EXOC3: variants seen among roughly 807,000 people sequenced by gnomAD.
EXOC3 encodes exocyst complex component 3, also known as SEC6-like 1.
EXOC3 carries 21 observed loss-of-function variants against 73.7 expected under a neutral mutation model. The ratio of observed to expected loss-of-function variants is 0.29; its 90% CI spans 0.20 to 0.41. The LOEUF is 0.41. Among genes scored for constraint, EXOC3 ranks in the 10% least tolerant of loss-of-function variants. The pLI, the probability that EXOC3 is intolerant of heterozygous loss-of-function variation, is 1.00. For synonymous variants in EXOC3, 410 were observed against 389.1 expected (o/e 1.05, Z -0.63); for missense variants, 842 against 985.1 (o/e 0.85, Z 1.95).
At chr5:458,770 C>T (rs1737896738) in intron 6 of EXOC3, among the ~76,000 whole-genome samples, 1 of 152,212 alleles carries the variant, frequency 6.6e-6, no homozygotes, top group African/African-American at 2.4e-5. Flanking sequence ...TTAGAATCCT[C>T]ACTCAGGACT....
At chr5:464,941 C>G (rs922971401) in intron 10 of EXOC3, 170 bp from the exon 11 acceptor site, 4 of 703,112 alleles carry the variant, frequency 5.7e-6, no homozygotes, top group Non-Finnish European at 9.2e-6. Flanking sequence ...TGTTCCCCCA[C>G]TGAGCCCCCG....
At chr5:443,473 C>T (rs1408121662) in intron 1 of EXOC3, among the ~76,000 whole-genome samples, 183 bp downstream of exon 1, 3 of 152,184 alleles carry the variant, frequency 2.0e-5, no homozygotes, top group African/African-American at 7.2e-5. Flanking sequence ...GTGTCCTCGG[C>T]GCAGGTGTCC....
intron 3 of EXOC3, among the ~76,000 whole-genome samples, chr5:449,387 A>G (rs1464921084): frequency 1.3e-5 from 2 of 152,194 alleles, no homozygotes; most frequent in African/African-American, 4.8e-5. Flanking sequence ...CCATTGCCAC[A>G]TCCGTCTTCA....
chr5:464,708 T>C (rs3815929), intron 10 of EXOC3: 342,550 of 398,400 alleles, frequency 0.86, 148,795 homozygotes, highest in African/African-American at 0.91. Flanking sequence ...GCCCCAGGGA[T>C]TTCTTTCCGC....
intron 9 of EXOC3, 125 bp downstream of exon 9, chr5:462,432 T>A: frequency 2.8e-6 from 3 of 1,085,398 alleles, no homozygotes; most frequent in Non-Finnish European, 4.1e-6. Flanking sequence ...GCTGTGCACT[T>A]GCATTCCGGT....
intron 4 of EXOC3, among the ~76,000 whole-genome samples, chr5:454,452 C>T (rs942281810): frequency 2.6e-5 from 4 of 152,226 alleles, no homozygotes; most frequent in African/African-American, 9.6e-5. Context: ...CACATGGCCA[C>T]CCCACTGGGG....
At chr5:443,438 C>G (rs1560933273) in intron 1 of EXOC3, 148 bp downstream of exon 1, 1 of 152,668 alleles carries the variant, frequency 6.6e-6, no homozygotes, top group Non-Finnish European at 1.5e-5. Flanking sequence ...CGTTCCGGAC[C>G]CCGTGGAGTA....
chr5:452,697 G>T (rs1737691175), intron 3 of EXOC3, among the ~76,000 whole-genome samples: 1 of 152,210 alleles, frequency 6.6e-6, no homozygotes, highest in Admixed American at 6.5e-5. Flanking sequence ...TAGGCTCTCT[G>T]TGCCAAGGCA....
At chr5:453,347 T>A in intron 3 of EXOC3, 23 bp from the exon 4 acceptor site, 1 of 1,538,804 alleles carries the variant, frequency 6.5e-7, no homozygotes, top group Admixed American at 2.0e-5. Flanking sequence ...TTGTTTATGT[T>A]GTGTCTTGTG....
At chr5:444,460 C>T (rs1184665266) in intron 1 of EXOC3, among the ~76,000 whole-genome samples, 1 of 152,252 alleles carries the variant, frequency 6.6e-6, no homozygotes. Context: ...TCACCGCGTG[C>T]CCCAGCAGAG....
intron 10 of EXOC3, chr5:464,878 T>G: frequency 1.7e-6 from 1 of 575,062 alleles, no homozygotes; most frequent in Non-Finnish European, 3.1e-6. Flanking sequence ...CGCCCGCGTC[T>G]GTCCTGCTGG....
At chr5:444,245 C>G (rs1028981607) in intron 1 of EXOC3, among the ~76,000 whole-genome samples, 1 of 152,258 alleles carries the variant, frequency 6.6e-6, no homozygotes, top group Non-Finnish European at 1.5e-5. Flanking sequence ...TCTTTGGCTT[C>G]TGTGACCCAA....
chr5:466,046 G>GC, intron 12 of EXOC3: 1 of 490,106 alleles, frequency 2.0e-6, no homozygotes, highest in Non-Finnish European at 3.6e-6. Flanking sequence ...CTGGGCTACA[G>GC]TGTGGGTGGG....
In EXOC3 at chr5:447,589, C is replaced by A; in HGVS notation, c.201C>A (p.Asn67Lys). 6.3e-7 allele frequency: 1 copy of A among 1,591,280 alleles called. No homozygotes were observed. Among genetic ancestry groups the A allele is most frequent in the South Asian group, 1.1e-5 (1 of 87,378 alleles). ...GVRTGLSQLH[N>K]ALNDVKDIQQ... is the part of the protein sequence containing the mutation. The stretch of plus-strand genomic sequence containing the variant: ...GCACAGGCCTCAGCCAGCTCCACAA[C>A]GCCCTGAATGACGTCAAAGACATCC... Residue 67 changes from asparagine to lysine, a missense_variant, in exon 3 of 13, where the codon AAC (asparagine) becomes AAA (lysine). Transcript: ENST00000512944.
chr5:466,299 C>T (rs974205384), intron 12 of EXOC3: 10 of 241,544 alleles, frequency 4.1e-5, no homozygotes, highest in Admixed American at 2.0e-4. Context: ...GACCCACGCA[C>T]GTCCCCCCTC....
intron 1 of EXOC3, among the ~76,000 whole-genome samples, chr5:444,411 GACA>G (rs1737441781): frequency 2.0e-5 from 3 of 152,214 alleles, no homozygotes; most frequent in Admixed American, 6.5e-5. Flanking sequence ...CCCACAGCGT[GACA>G]GACTTCACTC....
At chr5:457,840 A>G (rs2251843) in intron 5 of EXOC3, 60 bp from the exon 6 acceptor site, 777,830 of 1,549,036 alleles carry the variant, frequency 0.5, 199,479 homozygotes, top group African/African-American at 0.77. Context: ...GGTAATTGGC[A>G]TGACCCTCAG....
rs1453655643 is a variant in EXOC3 at position 465,149 on chromosome 5, G to C, written c.1815G>C (p.Glu605Asp). Residue 605 changes from glutamate to aspartate, a missense_variant, in exon 11 of 13, where the codon GAG (glutamate) becomes GAC (aspartate). By Grantham distance (45) the Glu-to-Asp change is conservative. Coordinates refer to ENST00000512944, the MANE Select transcript of EXOC3 (RefSeq NM_007277.5). ...AGGCGCACCGGCGCGTGGTGGTGGA[G>C]TACCTGCGGGCGGTCATGCAGAAGC... The part of the protein sequence containing the change: ...TAEAHRRVVV[E>D]YLRAVMQKRI... The C allele has an allele frequency of 2.5e-6, 4 of 1,595,222 alleles. No individual in the cohort carries two copies. Among genetic ancestry groups the C allele is most frequent in the Non-Finnish European group, 3.4e-6 (4 of 1,171,922 alleles).
At position 461,978 on chromosome 5, in the gene EXOC3, G is replaced by A. The variant is rs1380100359; in HGVS notation, c.1410G>A (p.Gln470=). The change falls in exon 8 of 13, where the codon CAG becomes CAA. Residue 470 remains glutamine (Q), a synonymous_variant. Coordinates refer to ENST00000512944, the MANE Select transcript of EXOC3 (RefSeq NM_007277.5). ...TCCTCAGATATAAAGATGAAGCGCA[G>A]CTGTATAAAGAAGAGCACCTGAGGA... ...SFLSRYKDEA[Q]LYKEEHLRNR... 19 of 1,595,832 alleles carry A rather than the reference G, an allele frequency of 1.2e-5. No homozygotes were observed. The highest frequency in any genetic ancestry group is 1.7e-4 in the Middle Eastern group (1 of 6,048).
Sources: gnomAD v4.1 joint callset for allele counts (sites outside exome capture counted in the v4.1 genomes callset) on GRCh38, gnomAD v4.1.1 for gene constraint, MANE v1.5 for transcripts, NCBI Gene and HGNC (gene_info 2026-07-23, HGNC 2026-07-21) for gene names.